PCDHAC1: variants seen among roughly 807,000 people sequenced by gnomAD.
PCDHAC1 encodes the protein protocadherin alpha-C1.
A neutral mutation model predicts 60.0 loss-of-function variants in PCDHAC1; 42 were observed. The observed-to-expected ratio is 0.70, with a 90% CI of 0.55 to 0.90. The LOEUF is 0.90. Among genes scored for constraint, PCDHAC1 ranks in the 40% least tolerant of loss-of-function variants. The pLI, the probability that PCDHAC1 is intolerant of heterozygous loss-of-function variation, is 0.00. For synonymous variants in PCDHAC1, 468 were observed against 499.3 expected (o/e 0.94, Z 0.84); for missense variants, 1,160 against 1,222.3 (o/e 0.95, Z 0.76).
intron 3 of PCDHAC1, among the ~76,000 whole-genome samples, chr5:140,995,258 A>C (rs2097672609): frequency 6.6e-6 from 1 of 152,164 alleles, no homozygotes; most frequent in Non-Finnish European, 1.5e-5. Flanking sequence ...AGGGTACTTG[A>C]ATACAAGCCC....
At chr5:141,001,122 TAAAC>T (rs1274933487) in intron 3 of PCDHAC1, among the ~76,000 whole-genome samples, 1 of 152,154 alleles carries the variant, frequency 6.6e-6, no homozygotes, top group African/African-American at 2.4e-5. Flanking sequence ...CAATAGTCCT[TAAAC>T]AAATGAATCT....
chr5:140,987,012 G>A (rs2097222470), intron 3 of PCDHAC1, among the ~76,000 whole-genome samples: 1 of 151,994 alleles, frequency 6.6e-6, no homozygotes. Context: ...TCATGAGTTC[G>A]AGACCAGCCT....
chr5:140,995,346 A>G (rs2097678208), intron 3 of PCDHAC1, among the ~76,000 whole-genome samples: 2 of 151,964 alleles, frequency 1.3e-5, no homozygotes, highest in South Asian at 4.2e-4. Context: ...GACGGCATGG[A>G]TAGGTCGGAC....
intron 3 of PCDHAC1, among the ~76,000 whole-genome samples, chr5:140,998,370 G>A (rs1321470929): frequency 2.6e-5 from 4 of 152,106 alleles, no homozygotes; most frequent in Admixed American, 1.3e-4. Flanking sequence ...TGCACACACC[G>A]TCTCTAGAAA....
At chr5:140,998,380 A>G (rs921989792) in intron 3 of PCDHAC1, among the ~76,000 whole-genome samples, 2 of 152,188 alleles carry the variant, frequency 1.3e-5, no homozygotes, top group African/African-American at 4.8e-5. Context: ...GTCTCTAGAA[A>G]GTTTAATGCC....
chr5:140,932,373 A>T (rs927239233), intron 1 of PCDHAC1, among the ~76,000 whole-genome samples: 1 of 151,942 alleles, frequency 6.6e-6, no homozygotes, highest in Non-Finnish European at 1.5e-5. Flanking sequence ...AAATTTCCAC[A>T]TGAAAGTTAT....
intron 1 of PCDHAC1, among the ~76,000 whole-genome samples, chr5:140,935,971 C>A (rs1563151362): frequency 6.7e-6 from 1 of 149,774 alleles, no homozygotes; most frequent in African/African-American, 2.5e-5. Context: ...TGGCTCACTG[C>A]AATCTCTGCC....
chr5:140,934,511 T>A (rs999288213), intron 1 of PCDHAC1, among the ~76,000 whole-genome samples: 1 of 152,210 alleles, frequency 6.6e-6, no homozygotes, highest in African/African-American at 2.4e-5. Context: ...AAAGGGTCCA[T>A]AGACCACACT....
chr5:141,009,938 G>T lies in PCDHAC1; in HGVS notation c.*1G>T, dbSNP rs781826815. The T allele has an allele frequency of 6.6e-5, 106 of 1,600,570 alleles. No individual in the cohort carries two copies. The highest frequency in any genetic ancestry group is 8.9e-5 in the Non-Finnish European group (105 of 1,175,516). ...CACGACTGACAACAGTGACCAGTGA[G>T]GTCCTCAAATGGAAACAAGCCACTT... On this transcript the variant is annotated 3_prime_UTR_variant, in exon 4 of 4. Coordinates refer to ENST00000253807, the MANE Select transcript of PCDHAC1 (RefSeq NM_018898.5).
chr5:140,971,123 G>A (rs1305525231), intron 1 of PCDHAC1, among the ~76,000 whole-genome samples: 1 of 152,182 alleles, frequency 6.6e-6, no homozygotes, highest in Non-Finnish European at 1.5e-5. Context: ...GTGGGCTACA[G>A]GTGGTGAAGA....
rs150805116 is a variant in PCDHAC1, at chr5:140,977,093, T to C, written c.2434-1856T>C. On this transcript the variant is annotated intron_variant, in intron 1 of 3. Coordinates refer to ENST00000253807, the MANE Select transcript of PCDHAC1 (RefSeq NM_018898.5). ...GCAGCATGACAAATTAAATGTGTCA[T>C]TGGGGAAGTGAGATTGTATAATGAA... 6.6e-5 allele frequency among the ~76,000 whole-genome samples: 10 copies of C among 152,320 alleles called. No homozygotes were observed. The East Asian group carries it at 1.7e-3, about 26-fold the overall frequency.
rs191774551 is a variant in PCDHAC1, at chr5:140,984,794, A to C, written c.2581+2231A>C. Among the ~76,000 whole-genome samples, 4 of 152,294 alleles carry C rather than the reference A, an allele frequency of 2.6e-5. No homozygotes were observed. In the East Asian group the frequency reaches 7.7e-4, roughly 29 times the overall value. ...CTTACTTGCTGGGTGAGCATAGACA[A>C]ACTGCCTGAATTCATATTTTCTTAA... On this transcript the variant is annotated intron_variant, in intron 3 of 3. Transcript: ENST00000253807.
intron 1 of PCDHAC1, among the ~76,000 whole-genome samples, chr5:140,941,241 T>TTCTTTCTTTCTTTCTTTCTC (rs1585048929): frequency 7.1e-6 from 1 of 140,568 alleles, no homozygotes; most frequent in East Asian, 2.0e-4. Context: ...CTTTCTTTCT[T>TTCTTTCTTTCTTTCTTTCTC]TCTTTCTTTC....
In PCDHAC1 at chr5:140,929,359, C is replaced by T; in HGVS notation, c.2433+34C>T. 3.3e-6 allele frequency: 5 copies of T among 1,522,308 alleles called. No homozygotes were observed. In the South Asian group the frequency reaches 6.6e-5, roughly 20 times the overall value. 94.3% of individuals were successfully genotyped at this position (1,522,308 alleles called of 1,614,324 possible). ...ATTTTATGGAATTTGATTCCTTTGG[C>T]CCGGAGATGGCTGCTAGCTGTGTTT... On this transcript the variant is annotated intron_variant, in intron 1 of 3. Transcript: ENST00000253807.
rs567582281 is a variant in PCDHAC1 at position 140,946,595 on chromosome 5, G to C, written c.2433+17270G>C. ...CTTAGGTGTTCATAGTGGATGAATA[G>C]ATAAAGAAAATGTGAAATATATATA... On this transcript the variant is annotated intron_variant, in intron 1 of 3. Transcript: ENST00000253807. Among the ~76,000 whole-genome samples, 13 of 108,580 alleles carry C rather than the reference G, an allele frequency of 1.2e-4. No homozygotes were observed. In the South Asian group the frequency reaches 1.5e-3, roughly 12 times the overall value. 71.2% of individuals were successfully genotyped at this position (108,580 alleles called of 152,430 possible).
chr5:140,990,189 A>C (rs2097379694), intron 3 of PCDHAC1, among the ~76,000 whole-genome samples: 1 of 152,218 alleles, frequency 6.6e-6, no homozygotes, highest in Non-Finnish European at 1.5e-5. Flanking sequence ...TAAGAACCAA[A>C]TGTGGACCCG....
intron 1 of PCDHAC1, among the ~76,000 whole-genome samples, chr5:140,974,301 A>G (rs2096621600): frequency 6.6e-6 from 1 of 152,190 alleles, no homozygotes; most frequent in Non-Finnish European, 1.5e-5. Context: ...AGGAGGTACA[A>G]CTGTGAGTGA....
At chr5:140,970,442 A>G (rs1003756532) in intron 1 of PCDHAC1, among the ~76,000 whole-genome samples, 3 of 152,182 alleles carry the variant, frequency 2.0e-5, no homozygotes, top group Non-Finnish European at 4.4e-5. Flanking sequence ...TAGTATATGC[A>G]CTAGTTTTGA....
intron 3 of PCDHAC1, among the ~76,000 whole-genome samples, chr5:140,991,069 G>T (rs1156985445): frequency 6.6e-6 from 1 of 152,136 alleles, no homozygotes; most frequent in Non-Finnish European, 1.5e-5. Flanking sequence ...TTATTCCCAT[G>T]TTTCAGATAA....
Sources: gnomAD v4.1 joint callset for allele counts (sites outside exome capture counted in the v4.1 genomes callset) on GRCh38, gnomAD v4.1.1 for gene constraint, MANE v1.5 for transcripts, NCBI Gene and HGNC (gene_info 2026-07-23, HGNC 2026-07-21) for gene names.